The following GLI2 variants were observed in gnomAD, a reference collection of about 807,000 sequenced individuals.
The protein encoded by GLI2 is GLI family zinc finger 2.
GLI2 carries 22 observed loss-of-function variants against 78.9 expected under a neutral mutation model. The observed-to-expected ratio is 0.28, with a 90% CI of 0.20 to 0.40. GLI2 has a LOEUF of 0.40. Among genes scored for constraint, GLI2 ranks in the 10% least tolerant of loss-of-function variants. The pLI, the probability that GLI2 is intolerant of heterozygous loss-of-function variation, is 1.00. For missense variants in GLI2, 2,097 were observed against 2,213.2 expected (o/e 0.95, Z 1.05); for synonymous variants, 974 against 963.7 (o/e 1.01, Z -0.20).
At chr2:120,775,517 C>T (rs546326326) in intron 1 of GLI2, among the ~76,000 whole-genome samples, 2 of 152,260 alleles carry the variant, frequency 1.3e-5, no homozygotes, top group East Asian at 1.9e-4. Context: ...TGAAAGAGCC[C>T]CCCAGTGCCT....
chr2:120,958,723 C>T (rs916454189), intron 5 of GLI2, among the ~76,000 whole-genome samples: 1 of 152,198 alleles, frequency 6.6e-6, no homozygotes, highest in East Asian at 1.9e-4. Context: ...TCCCTGAGCT[C>T]ATTCCTGCAC....
chr2:120,932,038 C>A (rs1679968064), intron 3 of GLI2, among the ~76,000 whole-genome samples: 1 of 152,194 alleles, frequency 6.6e-6, no homozygotes, highest in African/African-American at 2.4e-5. Flanking sequence ...GCCCTCACCT[C>A]TTCCGCCCCC....
chr2:120,787,265 G>A (rs1449634827), intron 1 of GLI2, among the ~76,000 whole-genome samples: 2 of 152,202 alleles, frequency 1.3e-5, no homozygotes, highest in Non-Finnish European at 1.5e-5. Flanking sequence ...AGGGAACCTG[G>A]GGGTGCAGAT....
At chr2:120,879,159 C>T (rs1222034608) in intron 2 of GLI2, among the ~76,000 whole-genome samples, 2 of 152,180 alleles carry the variant, frequency 1.3e-5, no homozygotes, top group African/African-American at 4.8e-5. Context: ...CCAGGAGGGG[C>T]AGGGACTTCA....
At chr2:120,936,471 G>T (rs185346510) in intron 3 of GLI2, among the ~76,000 whole-genome samples, 1 of 152,144 alleles carries the variant, frequency 6.6e-6, no homozygotes, top group Non-Finnish European at 1.5e-5. Context: ...TCATAGAGGC[G>T]AGAACTGGGC....
Position 120,988,402 on chromosome 2 carries a change from T to C in GLI2, c.2437T>C (p.Phe813Leu), listed in dbSNP as rs556743028. 258 of 1,571,472 alleles carry C rather than the reference T, an allele frequency of 1.6e-4. No homozygotes were observed. In the African/African-American group the frequency reaches 2.6e-3, roughly 16 times the overall value. Residue 813 changes from phenylalanine to leucine, a missense_variant, in exon 14 of 14, where the codon TTC (phenylalanine) becomes CTC (leucine). Phe to Leu is a conservative substitution (Grantham distance 22). Transcript: ENST00000361492. ...CCGCTCCTCCGGCATCTCCCCCTACTTCTCCAGCCGCCGCTCCAGCGAGGC... is the reference window on the plus strand; with the variant it reads ...CCGCTCCTCCGGCATCTCCCCCTACCTCTCCAGCCGCCGCTCCAGCGAGGC... Reference protein sequence around the residue: ...SRRSSGISPYFSSRRSSEASP... With the variant: ...SRRSSGISPYLSSRRSSEASP...
chr2:120,936,593 G>T (rs1342794839), intron 3 of GLI2, among the ~76,000 whole-genome samples: 2 of 152,218 alleles, frequency 1.3e-5, no homozygotes, highest in Non-Finnish European at 2.9e-5. Flanking sequence ...GTCTCGCCAT[G>T]GTTCTCAGGG....
At chr2:120,851,863 C>A (rs1054345008) in intron 2 of GLI2, among the ~76,000 whole-genome samples, 2 of 152,182 alleles carry the variant, frequency 1.3e-5, no homozygotes, top group African/African-American at 4.8e-5. Flanking sequence ...GGGAGATGCC[C>A]CCCACTGGGT....
At position 120,805,679 on chromosome 2, in the gene GLI2, T is replaced by C. The variant is rs184411435; in HGVS notation, c.148+8211T>C. 9.1e-3 allele frequency among the ~76,000 whole-genome samples: 1,322 copies of C among 145,906 alleles called. 12 individuals are homozygous for C. Among genetic ancestry groups the C allele is most frequent in the Non-Finnish European group, 0.014 (919 of 67,996 alleles). On this transcript the variant is annotated intron_variant, in intron 2 of 13. Coordinates refer to ENST00000361492, the MANE Select transcript of GLI2 (RefSeq NM_001374353.1). ...AATTCCGCAGGAACATTCCATCACA[T>C]GGGACACAGCTGTCCCTCAACCTGG... is the stretch of plus-strand genomic sequence containing the variant.
chr2:120,979,770 C>T (rs1011287348), intron 10 of GLI2, among the ~76,000 whole-genome samples: 10 of 152,124 alleles, frequency 6.6e-5, no homozygotes, highest in African/African-American at 2.4e-4. Flanking sequence ...CACAGCCCCT[C>T]CTAATTCTGT....
At chr2:120,902,192 C>T (rs954853004) in intron 2 of GLI2, among the ~76,000 whole-genome samples, 8 of 149,044 alleles carry the variant, frequency 5.4e-5, no homozygotes, top group African/African-American at 1.5e-4. Flanking sequence ...CCCACCCCCC[C>T]CCACCCCCAA....
chr2:120,830,996 T>G (rs1359364195), intron 2 of GLI2, among the ~76,000 whole-genome samples: 2 of 151,814 alleles, frequency 1.3e-5, no homozygotes, highest in South Asian at 2.1e-4. Context: ...TTTTTTTTTT[T>G]TGCCTGTTTG....
At chr2:120,934,920 C>T (rs1037239876) in intron 3 of GLI2, among the ~76,000 whole-genome samples, 2 of 152,174 alleles carry the variant, frequency 1.3e-5, no homozygotes, top group Admixed American at 6.5e-5. Flanking sequence ...TTAATGAACA[C>T]AGCAGCCTGC....
At chr2:120,946,163 T>C (rs966411587) in intron 3 of GLI2, among the ~76,000 whole-genome samples, 1 of 152,182 alleles carries the variant, frequency 6.6e-6, no homozygotes, top group African/African-American at 2.4e-5. Flanking sequence ...GGAGCCCTTA[T>C]CATACTGCCT....
intron 2 of GLI2, among the ~76,000 whole-genome samples, chr2:120,848,452 C>T (rs1452333594): frequency 6.6e-6 from 1 of 152,188 alleles, no homozygotes; most frequent in Non-Finnish European, 1.5e-5. Context: ...CTGGGGTTGT[C>T]CCTGTCGCCT....
At chr2:120,938,731 C>G (rs997251902) in intron 3 of GLI2, among the ~76,000 whole-genome samples, 3 of 152,142 alleles carry the variant, frequency 2.0e-5, no homozygotes, top group Admixed American at 6.5e-5. Flanking sequence ...CTGGAGGGAG[C>G]CTGGACAACA....
At chr2:120,934,691 G>A (rs942501890) in intron 3 of GLI2, among the ~76,000 whole-genome samples, 2 of 152,110 alleles carry the variant, frequency 1.3e-5, no homozygotes, top group Non-Finnish European at 2.9e-5. Flanking sequence ...ATTACCCAGG[G>A]CCTCCGGAGA....
intron 5 of GLI2, 96 bp from the exon 6 acceptor site, chr2:120,968,618 G>T: frequency 1.1e-6 from 1 of 943,744 alleles, no homozygotes; most frequent in Non-Finnish European, 1.7e-6. Context: ...ATTCCCATTA[G>T]ACCATCCTTG....
In GLI2 at chr2:120,737,208, G is replaced by A. The variant is rs1682392411; in HGVS notation, c.-31+923G>A. 6.6e-6 allele frequency among the ~76,000 whole-genome samples: 1 copy of A among 152,100 alleles called. No homozygotes were observed. The highest frequency in any genetic ancestry group is 1.5e-5 in the Non-Finnish European group (1 of 67,992). On this transcript the variant is annotated intron_variant, in intron 1 of 13. Coordinates refer to ENST00000361492, the MANE Select transcript of GLI2 (RefSeq NM_001374353.1). The surrounding 1 kb of genome is among the most constrained non-coding windows in gnomAD (Gnocchi z 4.3). The stretch of plus-strand genomic sequence containing the variant: ...ACGGGGCGGGGGCGGGGAGCTGGGA[G>A]GGAGCGTGTGCTTGCGTGTGTGAGT...
Sources: allele counts gnomAD v4.1 joint callset (sites outside exome capture counted in the v4.1 genomes callset), GRCh38; gene constraint gnomAD v4.1.1; non-coding constraint Gnocchi (gnomAD v3.1); transcripts MANE v1.5; gene names NCBI Gene and HGNC (gene_info 2026-07-23, HGNC 2026-07-21).